SNX29: variants seen among roughly 807,000 people sequenced by gnomAD.
SNX29 encodes the protein sorting nexin-29.
SNX29 carries 78 observed loss-of-function variants against 102.1 expected under a neutral mutation model. The ratio of observed to expected loss-of-function variants is 0.76; its 90% CI spans 0.64 to 0.92. SNX29 has a LOEUF of 0.92. SNX29 is among the 40% of genes least tolerant of loss of function. The pLI is 0.00. For synonymous variants in SNX29, 580 were observed against 414.5 expected (o/e 1.40, Z -4.85); for missense variants, 1,280 against 1,061.7 (o/e 1.21, Z -2.86).
intron 18 of SNX29, among the ~76,000 whole-genome samples, chr16:12,472,483 C>A (rs1448429923): frequency 7.1e-6 from 1 of 140,252 alleles, no homozygotes; most frequent in Non-Finnish European, 1.5e-5. Flanking sequence ...CATGCCACTG[C>A]ACTTCAGCCT....
intron 19 of SNX29, among the ~76,000 whole-genome samples, chr16:12,508,466 T>C (rs1048113237): frequency 3.9e-5 from 6 of 152,248 alleles, no homozygotes; most frequent in African/African-American, 1.4e-4. Flanking sequence ...CCTGTAGATA[T>C]ATTTTGTTTG....
At chr16:12,435,589 C>T (rs1233662009) in intron 18 of SNX29, among the ~76,000 whole-genome samples, 1 of 152,208 alleles carries the variant, frequency 6.6e-6, no homozygotes, top group Non-Finnish European at 1.5e-5. Flanking sequence ...CTAGAAAACA[C>T]CAGAGGACGC....
chr16:12,558,310 ACCT>A (rs1295175919), intron 20 of SNX29, among the ~76,000 whole-genome samples: 1 of 151,996 alleles, frequency 6.6e-6, no homozygotes, highest in Admixed American at 6.6e-5. Flanking sequence ...GCCCCTGGTC[ACCT>A]CAAGTGGCTA....
chr16:12,565,447 C>A (rs922060257), intron 20 of SNX29, among the ~76,000 whole-genome samples: 1 of 152,194 alleles, frequency 6.6e-6, no homozygotes, highest in Non-Finnish European at 1.5e-5. Flanking sequence ...CACCTGCCCC[C>A]TCCTCATCCT....
chr16:12,041,950 A>C (rs1038154295), intron 4 of SNX29, among the ~76,000 whole-genome samples: 11 of 152,192 alleles, frequency 7.2e-5, no homozygotes, highest in Non-Finnish European at 1.5e-4. Flanking sequence ...TGAAAATGTC[A>C]ATATTGGTCT....
intron 19 of SNX29, among the ~76,000 whole-genome samples, chr16:12,499,403 G>A (rs1270878228): frequency 6.6e-6 from 1 of 152,204 alleles, no homozygotes; most frequent in Non-Finnish European, 1.5e-5. Flanking sequence ...CCCGAGCAGG[G>A]CAAGACATAG....
At chr16:12,013,500 A>AAAAAAAAAATATATATATATAT in intron 3 of SNX29, among the ~76,000 whole-genome samples, 3 of 31,628 alleles carry the variant, frequency 9.5e-5, no homozygotes, top group Non-Finnish European at 1.2e-4. Flanking sequence ...AAAAAAAAAA[A>AAAAAAAAAATATATATATATAT]ATATATATAT....
At chr16:12,549,845 C>CAT (rs1464216206) in intron 20 of SNX29, among the ~76,000 whole-genome samples, 1 of 152,244 alleles carries the variant, frequency 6.6e-6, no homozygotes, top group Admixed American at 6.5e-5. Flanking sequence ...TCCTTGGCCG[C>CAT]ATGACTGTGG....
At chr16:12,179,653 G>A (rs1007847116) in intron 13 of SNX29, among the ~76,000 whole-genome samples, 5 of 152,184 alleles carry the variant, frequency 3.3e-5, no homozygotes, top group African/African-American at 1.2e-4. Context: ...TTCTCTGTTG[G>A]TATGTTGCTA....
Position 12,568,777 on chromosome 16 carries a change from C to A in SNX29, c.*148C>A. ...GATTCCCAACAGTTACACAACACCC[C>A]GATTAAACTAATCAGTCTTCGAGCC... On this transcript the variant is annotated 3_prime_UTR_variant, in exon 21 of 21. Coordinates refer to ENST00000566228, the MANE Select transcript of SNX29 (RefSeq NM_032167.5). 6 of 1,223,102 alleles carry A rather than the reference C, an allele frequency of 4.9e-6. No homozygotes were observed. The highest frequency in any genetic ancestry group is 5.3e-5 in the Admixed American group (2 of 37,816). 75.8% of individuals were successfully genotyped at this position (1,223,102 alleles called of 1,614,324 possible).
chr16:11,982,140 T>C (rs927961600), intron 1 of SNX29, among the ~76,000 whole-genome samples: 5 of 152,118 alleles, frequency 3.3e-5, no homozygotes, highest in African/African-American at 1.2e-4. Context: ...TTCATATATG[T>C]ATGTAGACCT....
intron 1 of SNX29, among the ~76,000 whole-genome samples, chr16:11,994,474 G>A (rs1438939721): frequency 6.6e-5 from 10 of 152,206 alleles, no homozygotes; most frequent in Admixed American, 2.0e-4. Flanking sequence ...GATGGAGGTC[G>A]AGGGTGAGCA....
chr16:12,092,174 C>T (rs2151409174), intron 11 of SNX29, among the ~76,000 whole-genome samples: 1 of 152,200 alleles, frequency 6.6e-6, no homozygotes, highest in South Asian at 2.1e-4. Flanking sequence ...TTCCTGTAGC[C>T]CCCACTGGGA....
rs2079144934 is a variant in SNX29 at position 12,569,694 on chromosome 16, AGGT to A, written c.*1068_*1070del. 2 of 230,052 alleles carry A rather than the reference AGGT, an allele frequency of 8.7e-6. No individual in the cohort carries two copies. Among genetic ancestry groups the A allele is most frequent in the African/African-American group, 4.4e-5 (2 of 45,150 alleles). 14.3% of individuals were successfully genotyped at this position (230,052 alleles called of 1,614,324 possible). Reference sequence around the variant, plus strand: ...GCTCTCAGAGTACAGGGACCTTGGCAGGTGGAGAGGAGGATGGGGACCAGCAGC... The same window carrying A: ...GCTCTCAGAGTACAGGGACCTTGGCAGGAGAGGAGGATGGGGACCAGCAGC... On this transcript the variant is annotated 3_prime_UTR_variant, in exon 21 of 21. Transcript: ENST00000566228.
In SNX29 at chr16:12,027,430, G is replaced by T; in HGVS notation, c.233G>T (p.Ser78Ile). 1 of 1,613,894 alleles carries T rather than the reference G, an allele frequency of 6.2e-7. No homozygotes were observed. Among genetic ancestry groups the T allele is most frequent in the Non-Finnish European group, 8.5e-7 (1 of 1,179,922 alleles). Residue 78 changes from serine (S) to isoleucine (I), a missense_variant, in exon 4 of 21, where the codon AGC becomes ATC. Coordinates refer to ENST00000566228, the MANE Select transcript of SNX29 (RefSeq NM_032167.5). ...AAIKQAAGFASKTETEPVFWY... is the reference protein window; with the variant it reads ...AAIKQAAGFAIKTETEPVFWY... The stretch of plus-strand genomic sequence containing the variant: ...ATCAAGCAGGCAGCGGGCTTTGCCA[G>T]CAAAACCGAAACAGGTACTGCTCTG...
At chr16:12,266,265 C>G (rs1567375525) in intron 14 of SNX29, among the ~76,000 whole-genome samples, 1 of 152,134 alleles carries the variant, frequency 6.6e-6, no homozygotes, top group African/African-American at 2.4e-5. Flanking sequence ...GCTCTCAACA[C>G]ACCATTTTTG....
chr16:12,002,921 T>C (rs2056338603), intron 2 of SNX29, 70 bp from the exon 3 acceptor site: 14 of 1,582,826 alleles, frequency 8.8e-6, no homozygotes, highest in African/African-American at 1.3e-5. Flanking sequence ...AAGCCCTGTG[T>C]AGGCTGTTTT....
chr16:12,135,772 A>T, intron 13 of SNX29: 1 of 441,668 alleles, frequency 2.3e-6, no homozygotes, highest in Non-Finnish European at 4.1e-6. Context: ...TTATACTCAT[A>T]AGAGTCCTGA....
At chr16:12,180,637 C>T (rs2076362071) in intron 13 of SNX29, among the ~76,000 whole-genome samples, 1 of 152,120 alleles carries the variant, frequency 6.6e-6, no homozygotes, top group African/African-American at 2.4e-5. Flanking sequence ...GCGCCCGCCA[C>T]CACGTCCGGC....
Sources: gnomAD v4.1 joint callset for allele counts (sites outside exome capture counted in the v4.1 genomes callset) on GRCh38, gnomAD v4.1.1 for gene constraint, MANE v1.5 for transcripts, NCBI Gene and HGNC (gene_info 2026-07-23, HGNC 2026-07-21) for gene names.